The following ATF7IP2 variants were observed in gnomAD, a reference collection of about 807,000 sequenced individuals.
ATF7IP2 encodes the protein activating transcription factor 7 interacting protein 2.
Under a neutral mutation model 64.2 loss-of-function variants are expected in ATF7IP2, and 42 were observed. That is an observed-to-expected ratio of 0.65 (90% CI 0.51 to 0.85). The LOEUF (loss-of-function observed/expected upper bound fraction) is 0.85. Among genes scored for constraint, ATF7IP2 ranks in the 40% least tolerant of loss-of-function variants. The pLI, the probability that ATF7IP2 is intolerant of heterozygous loss-of-function variation, is 0.00. For missense variants in ATF7IP2, 933 were observed against 784.2 expected, an observed-to-expected ratio of 1.19 and a Z score of -2.27; for synonymous variants, 308 against 272.8, an observed-to-expected ratio of 1.13 and a Z score of -1.27.
intron 1 of ATF7IP2, among the ~76,000 whole-genome samples, chr16:10,412,523 A>G (rs2047792250): frequency 6.6e-6 from 1 of 151,990 alleles, no homozygotes. Flanking sequence ...GTTTTTTTCC[A>G]CTATGGTCTG....
At chr16:10,422,484 A>G (rs769106654) in intron 3 of ATF7IP2, among the ~76,000 whole-genome samples, 5 of 152,176 alleles carry the variant, frequency 3.3e-5, no homozygotes, top group African/African-American at 4.8e-5. Flanking sequence ...ATAGGTATAG[A>G]AGTTACAATT....
rs71133351 is a variant in ATF7IP2 at position 10,412,010 on chromosome 16, GTTTTTTTTTTTTT to G, written c.-241-2547_-241-2535del. On this transcript the variant is annotated intron_variant, in intron 1 of 13. Transcript: ENST00000562102. ...CTTTTTGTTTCATTTATCTTTTTTT[GTTTTTTTTTTTTT>G]TTTTTTTTTTTTTTTTACACTTTTA... Among the ~76,000 whole-genome samples the G allele has an allele frequency of 8.4e-4, 49 of 58,408 alleles. 1 individual carries two copies. Among genetic ancestry groups the G allele is most frequent in the Middle Eastern group, 0.023 (2 of 86 alleles). The allele number at this position is 58,408 out of a possible 152,430, so 38.3% of individuals were successfully genotyped here. A position where few individuals can be genotyped will look rare whatever the true frequency, so the allele number is the denominator to read the frequency against.
chr16:10,440,470 T>C lies in ATF7IP2; in HGVS notation c.1194+8T>C. On this transcript the variant is annotated splice_region_variant and intron_variant, in intron 8 of 13. Transcript: ENST00000562102. ...AGTAATGGAGCCTCTAAGGTTTGTA[T>C]AAACACACAGGAATTGTAATCATCT... The C allele has an allele frequency of 7.1e-7, 1 of 1,405,046 alleles. No homozygotes were observed. The highest frequency in any genetic ancestry group is 9.7e-7 in the Non-Finnish European group (1 of 1,027,786). 87.0% of individuals were successfully genotyped at this position (1,405,046 alleles called of 1,614,324 possible).
At chr16:10,415,900 G>A (rs1457262543) in intron 2 of ATF7IP2, among the ~76,000 whole-genome samples, 1 of 152,210 alleles carries the variant, frequency 6.6e-6, no homozygotes, top group African/African-American at 2.4e-5. Flanking sequence ...AAGCTACAGT[G>A]AGATATCACA....
chr16:10,414,857 TC>T (rs2047840219), intron 2 of ATF7IP2, among the ~76,000 whole-genome samples: 1 of 152,146 alleles, frequency 6.6e-6, no homozygotes, highest in South Asian at 2.1e-4. Context: ...AATGTGGCTT[TC>T]TGAGAGCTGA....
intron 1 of ATF7IP2, among the ~76,000 whole-genome samples, chr16:10,388,928 C>T (rs1044013143): frequency 3.3e-5 from 5 of 151,634 alleles, no homozygotes; most frequent in Non-Finnish European, 7.4e-5. Flanking sequence ...AGGAGAATGG[C>T]GTGAAGCCGG....
At chr16:10,413,330 T>C (rs79345281) in intron 1 of ATF7IP2, among the ~76,000 whole-genome samples, 4 of 152,188 alleles carry the variant, frequency 2.6e-5, no homozygotes, top group African/African-American at 7.2e-5. Context: ...TGAGATTTGA[T>C]GGGTTTATCA....
intron 9 of ATF7IP2, among the ~76,000 whole-genome samples, chr16:10,471,281 A>ACTT (rs1410566566): frequency 6.6e-6 from 1 of 152,208 alleles, no homozygotes; most frequent in Non-Finnish European, 1.5e-5. Flanking sequence ...TAATCCCAGC[A>ACTT]CTTTGGGAGG....
intron 1 of ATF7IP2, among the ~76,000 whole-genome samples, chr16:10,414,047 T>C (rs1177609387): frequency 6.6e-6 from 1 of 152,252 alleles, no homozygotes; most frequent in Non-Finnish European, 1.5e-5. Context: ...GATAATCTGA[T>C]GCCAGTGTGC....
chr16:10,437,052 G>T (rs1461617057), intron 6 of ATF7IP2, among the ~76,000 whole-genome samples: 1 of 146,330 alleles, frequency 6.8e-6, no homozygotes, highest in African/African-American at 2.5e-5. Flanking sequence ...ACGGAGTCTC[G>T]CTCAATCACC....
intron 9 of ATF7IP2, chr16:10,471,907 G>C: frequency 8.0e-6 from 3 of 373,276 alleles, no homozygotes; most frequent in South Asian, 1.1e-4. Context: ...ATTGGATTTT[G>C]ATGAATCTTT....
intron 9 of ATF7IP2, among the ~76,000 whole-genome samples, chr16:10,469,204 C>T (rs545044733): frequency 6.6e-5 from 10 of 151,846 alleles, no homozygotes; most frequent in South Asian, 6.2e-4. Context: ...ACTTAGCAGA[C>T]GACCTAAAAG....
chr16:10,410,470 T>C (rs8057301), intron 1 of ATF7IP2, among the ~76,000 whole-genome samples: 119,798 of 152,138 alleles, frequency 0.79, 47,927 homozygotes, highest in African/African-American at 0.93. Flanking sequence ...GATTTGTGTA[T>C]AGTAACTTTG....
intron 12 of ATF7IP2, among the ~76,000 whole-genome samples, chr16:10,480,671 C>T (rs549055883): frequency 4.0e-4 from 60 of 150,434 alleles, no homozygotes; most frequent in African/African-American, 1.5e-3. Flanking sequence ...AAGTGTTTAC[C>T]TTAAGGGGAA....
intron 4 of ATF7IP2, among the ~76,000 whole-genome samples, chr16:10,429,313 T>C (rs1251250012): frequency 6.6e-6 from 1 of 152,142 alleles, no homozygotes; most frequent in Non-Finnish European, 1.5e-5. Context: ...AAGAGTATTG[T>C]GCTGTTTTTT....
At chr16:10,410,864 T>C (rs1393231888) in intron 1 of ATF7IP2, among the ~76,000 whole-genome samples, 1 of 152,260 alleles carries the variant, frequency 6.6e-6, no homozygotes, top group Non-Finnish European at 1.5e-5. Context: ...TAGATGGCTT[T>C]TATTACATTG....
Position 10,476,379 on chromosome 16 carries a change from A to C in ATF7IP2, c.1549+2390A>C, listed in dbSNP as rs544164189. ...TTACATCACAGGATATAAAGGATCT[A>C]AAATGGTTTTTACTGCTTAATTCTG... is the stretch of plus-strand genomic sequence containing the variant. On this transcript the variant is annotated intron_variant, in intron 12 of 13. Coordinates refer to ENST00000562102, the MANE Select transcript of ATF7IP2 (RefSeq NM_001393719.1). Among the ~76,000 whole-genome samples the C allele has an allele frequency of 2.6e-5, 4 of 152,348 alleles. No homozygotes were observed. In the South Asian group the frequency reaches 6.2e-4, roughly 24 times the overall value.
intron 2 of ATF7IP2, among the ~76,000 whole-genome samples, chr16:10,415,822 G>A (rs2047862876): frequency 1.3e-5 from 2 of 152,202 alleles, no homozygotes; most frequent in African/African-American, 4.8e-5. Context: ...CAAAAGGAGA[G>A]ATACAAATGG....
intron 8 of ATF7IP2, among the ~76,000 whole-genome samples, chr16:10,456,952 T>A (rs899030259): frequency 1.3e-5 from 2 of 152,204 alleles, no homozygotes; most frequent in African/African-American, 2.4e-5. Context: ...ACACTGAATG[T>A]TTCAGCTTCA....
Sources: gnomAD v4.1 joint callset for allele counts (sites outside exome capture counted in the v4.1 genomes callset) on GRCh38, gnomAD v4.1.1 for gene constraint, MANE v1.5 for transcripts, NCBI Gene and HGNC (gene_info 2026-07-23, HGNC 2026-07-21) for gene names.